Variants in CRIM1 observed in about 807,000 individuals in gnomAD.
CRIM1 encodes cysteine rich transmembrane BMP regulator 1, also known as cysteine-rich motor neuron 1 protein.
A neutral mutation model predicts 116.4 loss-of-function variants in CRIM1; 32 were observed. The ratio of observed to expected loss-of-function variants is 0.27; its 90% CI spans 0.21 to 0.37. CRIM1 has a LOEUF of 0.37. Ranked by LOEUF, CRIM1 falls within the 10% of genes least tolerant of loss-of-function variation. The pLI, the probability that CRIM1 is intolerant of heterozygous loss-of-function variation, is 1.00. For missense variants in CRIM1, 1,331 were observed against 1,354.8 expected (o/e 0.98, Z 0.28); for synonymous variants, 590 against 509.2 (o/e 1.16, Z -2.13).
intron 12 of CRIM1, among the ~76,000 whole-genome samples, chr2:36,519,077 A>G (rs1419428406): frequency 6.7e-6 from 1 of 149,860 alleles, no homozygotes; most frequent in Non-Finnish European, 1.5e-5. Context: ...TAAAGCAGCA[A>G]ATACCCCTGG....
chr2:36,544,210 C>T (rs533920630), intron 14 of CRIM1, among the ~76,000 whole-genome samples, 166 bp from the exon 15 acceptor site: 5 of 152,182 alleles, frequency 3.3e-5, no homozygotes, highest in African/African-American at 7.2e-5. Context: ...CTGCAAAGCT[C>T]GTGATTCTCT....
At chr2:36,515,187 T>G (rs1379639568) in intron 11 of CRIM1, among the ~76,000 whole-genome samples, 1 of 152,232 alleles carries the variant, frequency 6.6e-6, no homozygotes, top group Non-Finnish European at 1.5e-5. Context: ...CCTGGGTCTT[T>G]GCTAAACATG....
chr2:36,373,087 C>CA (rs1265957346), intron 1 of CRIM1, among the ~76,000 whole-genome samples: 3 of 152,154 alleles, frequency 2.0e-5, no homozygotes, highest in Non-Finnish European at 4.4e-5. Flanking sequence ...AAGACTTTAT[C>CA]AGCAGAAGGA....
chr2:36,516,726 A>G (rs747583469), intron 11 of CRIM1, among the ~76,000 whole-genome samples: 10 of 152,208 alleles, frequency 6.6e-5, no homozygotes, highest in Non-Finnish European at 1.5e-4. Flanking sequence ...ATTTCCAAGC[A>G]TAAAAGTACT....
chr2:36,503,097 C>A (rs559688554), intron 8 of CRIM1, among the ~76,000 whole-genome samples: 1 of 152,292 alleles, frequency 6.6e-6, no homozygotes, highest in Admixed American at 6.5e-5. Context: ...GGTTATTTGG[C>A]AACTTTGGAA....
At chr2:36,417,395 C>A (rs988673777) in intron 2 of CRIM1, among the ~76,000 whole-genome samples, 1 of 152,136 alleles carries the variant, frequency 6.6e-6, no homozygotes, top group Non-Finnish European at 1.5e-5. Flanking sequence ...ACCTGTTTAC[C>A]AATTTAACAA....
chr2:36,521,993 C>G, intron 12 of CRIM1, 99 bp from the exon 13 acceptor site: 1 of 944,110 alleles, frequency 1.1e-6, no homozygotes, highest in South Asian at 1.4e-5. Flanking sequence ...AAGGAGGCAC[C>G]GAAAGCCATC....
At chr2:36,520,281 CCTT>C (rs527700284) in intron 12 of CRIM1, among the ~76,000 whole-genome samples, 15 of 152,334 alleles carry the variant, frequency 9.8e-5, no homozygotes, top group Admixed American at 5.2e-4. Flanking sequence ...CACGGCTGTC[CCTT>C]CTTCTTCTTT....
At chr2:36,399,005 T>C (rs921937159) in intron 2 of CRIM1, among the ~76,000 whole-genome samples, 2 of 152,158 alleles carry the variant, frequency 1.3e-5, no homozygotes, top group Admixed American at 6.5e-5. Context: ...GTGATGATGA[T>C]AGATTTCAGA....
At chr2:36,391,109 C>T (rs1671548347) in intron 1 of CRIM1, among the ~76,000 whole-genome samples, 1 of 143,998 alleles carries the variant, frequency 6.9e-6, no homozygotes, top group African/African-American at 2.6e-5. Flanking sequence ...TGCGCCTGGC[C>T]AACTTTTGAT....
chr2:36,541,101 G>T lies in CRIM1; in HGVS notation c.2624-3275G>T, dbSNP rs1004039903. ...CCTTCTGTTTGATCCAGTATGGGCT[G>T]CCAGGAAGGCTGTATTCCTGTCCCA... On this transcript the variant is annotated intron_variant, in intron 14 of 16. Transcript: ENST00000280527. 2.6e-5 allele frequency among the ~76,000 whole-genome samples: 4 copies of T among 152,114 alleles called. No homozygotes were observed. The East Asian group carries it at 7.7e-4, about 29-fold the overall frequency.
intron 7 of CRIM1, among the ~76,000 whole-genome samples, chr2:36,493,692 C>G (rs115414430): frequency 0.026 from 3,913 of 152,292 alleles, 72 homozygotes; most frequent in Non-Finnish European, 0.038. Context: ...AGAACCAGCT[C>G]ATAGTAATCT....
chr2:36,381,382 A>G (rs1670759382), intron 1 of CRIM1, among the ~76,000 whole-genome samples: 1 of 152,216 alleles, frequency 6.6e-6, no homozygotes, highest in South Asian at 2.1e-4. Context: ...AGGTTTCCTC[A>G]GACCAGGCCT....
At chr2:36,423,968 A>G (rs1674264117) in intron 2 of CRIM1, among the ~76,000 whole-genome samples, 1 of 152,198 alleles carries the variant, frequency 6.6e-6, no homozygotes, top group Admixed American at 6.5e-5. Flanking sequence ...GCAGACAGGT[A>G]CGTAGGTAGG....
intron 4 of CRIM1, among the ~76,000 whole-genome samples, chr2:36,454,022 C>A (rs769521930): frequency 2.6e-5 from 4 of 152,168 alleles, no homozygotes; most frequent in Non-Finnish European, 1.5e-5. Context: ...ATAACCACTC[C>A]ATTGCAAGAC....
intron 7 of CRIM1, 23 bp downstream of exon 7, chr2:36,479,717 A>C (rs772422885): frequency 3.1e-6 from 5 of 1,606,556 alleles, no homozygotes; most frequent in Non-Finnish European, 4.3e-6. Context: ...GATGCTAATG[A>C]GTCCCTGGTG....
chr2:36,466,119 C>G (rs533188757), intron 5 of CRIM1, among the ~76,000 whole-genome samples: 1 of 152,054 alleles, frequency 6.6e-6, no homozygotes, highest in South Asian at 2.1e-4. Flanking sequence ...ATCTCCTGCC[C>G]TCGTGATCCA....
chr2:36,417,736 A>G (rs922879067), intron 2 of CRIM1, among the ~76,000 whole-genome samples: 2 of 152,232 alleles, frequency 1.3e-5, no homozygotes, highest in African/African-American at 4.8e-5. Flanking sequence ...GCCCGAACTC[A>G]AGAGGCTTCC....
At chr2:36,503,427 C>G (rs1234680454) in intron 8 of CRIM1, among the ~76,000 whole-genome samples, 1 of 138,872 alleles carries the variant, frequency 7.2e-6, no homozygotes, top group Non-Finnish European at 1.6e-5. Context: ...GAATGCAAAG[C>G]TAACTCTGGC....
Sources: allele counts gnomAD v4.1 joint callset (sites outside exome capture counted in the v4.1 genomes callset), GRCh38; gene constraint gnomAD v4.1.1; transcripts MANE v1.5; gene names NCBI Gene and HGNC (gene_info 2026-07-23, HGNC 2026-07-21).